The following ARHGAP6 variants were observed in gnomAD, a reference collection of about 807,000 sequenced individuals.
The protein encoded by ARHGAP6 is Rho GTPase activating protein 6.
Under a neutral mutation model 55.7 loss-of-function variants are expected in ARHGAP6, and 16 were observed. The ratio of observed to expected loss-of-function variants is 0.29; its 90% CI spans 0.19 to 0.44. ARHGAP6 has a LOEUF of 0.44. ARHGAP6 is among the 20% of genes least tolerant of loss of function. ARHGAP6 has a pLI of 1.00. For synonymous variants in ARHGAP6, 382 were observed against 360.9 expected (o/e 1.06, Z -0.66); for missense variants, 698 against 808.9 (o/e 0.86, Z 1.66).
chrX:11,358,433 CTTTCTTTCTTTCTTTCTT>C (rs1427436550), intron 1 of ARHGAP6, among the ~76,000 whole-genome samples: 12 of 28,734 alleles, frequency 4.2e-4, no homozygotes, highest in South Asian at 4.3e-3. Flanking sequence ...TTAACTGTAT[CTTTCTTTCTTTCTTTCTT>C]TCTTTCTTTC....
chrX:11,642,461 T>C (rs979827007), intron 1 of ARHGAP6, among the ~76,000 whole-genome samples: 19 of 111,542 alleles, frequency 1.7e-4, no homozygotes, highest in African/African-American at 6.2e-4. Context: ...ACTGAAAACA[T>C]GTATCTACAC....
chrX:11,424,996 A>G (rs2049863773), intron 1 of ARHGAP6, among the ~76,000 whole-genome samples: 2 of 112,413 alleles, frequency 1.8e-5, no homozygotes, highest in South Asian at 7.4e-4. Context: ...TAACATTTTC[A>G]CTATCTAACT....
At chrX:11,475,790 TAA>T (rs377288387) in intron 1 of ARHGAP6, among the ~76,000 whole-genome samples, 9 of 92,351 alleles carry the variant, frequency 9.7e-5, no homozygotes, top group Non-Finnish European at 4.4e-5. Context: ...ATTGCTGAAG[TAA>T]AAAAAAAAAA....
chrX:11,621,676 G>T (rs1400250669), intron 1 of ARHGAP6, among the ~76,000 whole-genome samples: 1 of 110,433 alleles, frequency 9.1e-6, no homozygotes, highest in Non-Finnish European at 1.9e-5. Flanking sequence ...TAGCTTCAAA[G>T]GCTTACTTAA....
intron 1 of ARHGAP6, among the ~76,000 whole-genome samples, chrX:11,574,079 A>G (rs2051565860): frequency 9.0e-6 from 1 of 111,281 alleles, no homozygotes; most frequent in Admixed American, 9.6e-5. Context: ...TGTGGCAATA[A>G]TCAACAGCTT....
At chrX:11,413,072 TC>T in intron 1 of ARHGAP6, among the ~76,000 whole-genome samples, 1 of 112,304 alleles carries the variant, frequency 8.9e-6, no homozygotes, top group Non-Finnish European at 1.9e-5. Flanking sequence ...AATTTCCTCC[TC>T]TGGGGTCATT....
chrX:11,256,983 T>G (rs1350318347), intron 1 of ARHGAP6, among the ~76,000 whole-genome samples: 1 of 111,038 alleles, frequency 9.0e-6, no homozygotes, highest in Non-Finnish European at 1.9e-5. Flanking sequence ...CTGGGGCCAG[T>G]GTATTTTGAA....
At chrX:11,223,583 T>C (rs2047003458) in intron 2 of ARHGAP6, among the ~76,000 whole-genome samples, 1 of 111,945 alleles carries the variant, frequency 8.9e-6, no homozygotes, top group Non-Finnish European at 1.9e-5. Context: ...CTTCAACGTT[T>C]AGTCTGTAGA....
At chrX:11,367,775 A>G in intron 1 of ARHGAP6, 1 of 753,108 alleles carries the variant, frequency 1.3e-6, no homozygotes, top group Non-Finnish European at 1.6e-6. Context: ...TGTTACCTCC[A>G]GATTGTGGGA....
At chrX:11,525,250 A>T (rs2050977330) in intron 1 of ARHGAP6, among the ~76,000 whole-genome samples, 1 of 111,829 alleles carries the variant, frequency 8.9e-6, no homozygotes, top group Non-Finnish European at 1.9e-5. Flanking sequence ...GTCTCCAGAC[A>T]TTGTCAAGTG....
intron 1 of ARHGAP6, among the ~76,000 whole-genome samples, chrX:11,321,981 G>T (rs1442493763): frequency 8.9e-6 from 1 of 112,249 alleles, no homozygotes; most frequent in Non-Finnish European, 1.9e-5. Context: ...ACAATTAAGA[G>T]ATTATCTTTT....
chrX:11,215,469 A>G (rs1003919), intron 2 of ARHGAP6, among the ~76,000 whole-genome samples: 20,036 of 112,436 alleles, frequency 0.18, 1,336 homozygotes, highest in Middle Eastern at 0.33. Context: ...GGATGCTGAC[A>G]TATTCTCCGC....
intron 1 of ARHGAP6, among the ~76,000 whole-genome samples, chrX:11,516,448 T>G (rs187708250): frequency 8.9e-6 from 1 of 112,179 alleles, no homozygotes; most frequent in Non-Finnish European, 1.9e-5. Flanking sequence ...TTTGTTCTTC[T>G]CTTTTGAGAT....
intron 2 of ARHGAP6, among the ~76,000 whole-genome samples, chrX:11,238,736 T>C (rs781005628): frequency 1.2e-4 from 13 of 111,189 alleles, no homozygotes; most frequent in African/African-American, 3.9e-4. Flanking sequence ...AGCAGCCCTA[T>C]GCAAAAAGCT....
chrX:11,203,683 A>C (rs2046665590), intron 2 of ARHGAP6, among the ~76,000 whole-genome samples: 1 of 111,897 alleles, frequency 8.9e-6, no homozygotes, highest in Non-Finnish European at 1.9e-5. Flanking sequence ...AAACTTTCAC[A>C]AGGTTCTCAA....
At chrX:11,400,799 T>A (rs1029633423) in intron 1 of ARHGAP6, among the ~76,000 whole-genome samples, 6 of 112,335 alleles carry the variant, frequency 5.3e-5, no homozygotes, top group Non-Finnish European at 3.8e-5. Context: ...TGCCGTATTG[T>A]ATTTGACTTT....
chrX:11,488,912 CCT>C (rs757257342), intron 1 of ARHGAP6, among the ~76,000 whole-genome samples: 56 of 111,801 alleles, frequency 5.0e-4, no homozygotes, highest in Non-Finnish European at 9.8e-4. Context: ...ACCTTCTATA[CCT>C]CTCTGTCCAG....
At chrX:11,418,986 T>C (rs891380992) in intron 1 of ARHGAP6, among the ~76,000 whole-genome samples, 2 of 112,452 alleles carry the variant, frequency 1.8e-5, no homozygotes, top group African/African-American at 6.5e-5. Flanking sequence ...GTTCTGCCCT[T>C]CTCTGTGCTG....
At chrX:11,608,965 G>T (rs1232629197) in intron 1 of ARHGAP6, among the ~76,000 whole-genome samples, 1 of 111,395 alleles carries the variant, frequency 9.0e-6, no homozygotes, top group Admixed American at 9.5e-5. Context: ...ACCACCTATG[G>T]GGCACCAGGA....
Sources: gnomAD v4.1 joint callset for allele counts (sites outside exome capture counted in the v4.1 genomes callset) on GRCh38, gnomAD v4.1.1 for gene constraint, MANE v1.5 for transcripts, NCBI Gene and HGNC (gene_info 2026-07-23, HGNC 2026-07-21) for gene names.